Variants in CDH12 observed in about 807,000 individuals in gnomAD.
CDH12 encodes cadherin 12.
In CDH12, 41 loss-of-function variants were observed where a neutral mutation model predicts 74.1. The ratio of observed to expected loss-of-function variants is 0.55; its 90% CI spans 0.43 to 0.72. The LOEUF is 0.72. CDH12 is among the 30% of genes least tolerant of loss of function. The pLI is 0.00. For missense variants in CDH12, 945 were observed against 977.2 expected, an observed-to-expected ratio of 0.97 and a Z score of 0.44; for synonymous variants, 399 against 355.0, an observed-to-expected ratio of 1.12 and a Z score of -1.39.
chr5:22,131,753 T>C lies in CDH12; in HGVS notation c.-186-52891A>G, dbSNP rs142850981. Among the ~76,000 whole-genome samples, 839 of 152,260 alleles carry C rather than the reference T, an allele frequency of 5.5e-3. 6 individuals carry two copies. Among genetic ancestry groups the C allele is most frequent in the African/African-American group, 0.018 (753 of 41,560 alleles). On this transcript the variant is annotated intron_variant, in intron 4 of 14. Transcript: ENST00000382254. ...CAGATTATCCAGACCTAAGGAAGGA[T>C]ACATTCATCTATAGCTCCCTCTCAA...
intron 1 of CDH12, among the ~76,000 whole-genome samples, chr5:22,577,834 C>T (rs1007361067): frequency 6.6e-6 from 1 of 152,102 alleles, no homozygotes; most frequent in Admixed American, 6.6e-5. Context: ...TGCAAGAAGA[C>T]CTAAAATTTT....
rs556554063 is a variant in CDH12, at chr5:22,683,389, G to A, written c.-523+169669C>T. Among the ~76,000 whole-genome samples, 8 of 152,200 alleles carry A rather than the reference G, an allele frequency of 5.3e-5. No individual in the cohort carries two copies. In the East Asian group the frequency reaches 5.8e-4, roughly 11 times the overall value. ...TTTCAGTCAATACTGTTAAATAAGT[G>A]TAAACAGTAACTTCAGTAACACACA... is the stretch of plus-strand genomic sequence containing the variant. On this transcript the variant is annotated intron_variant, in intron 1 of 14. Transcript: ENST00000382254.
chr5:21,814,337 G>A (rs1281435763), intron 9 of CDH12, among the ~76,000 whole-genome samples: 3 of 151,768 alleles, frequency 2.0e-5, no homozygotes, highest in Non-Finnish European at 4.4e-5. Context: ...TAAATAACAT[G>A]ACTCATTCTC....
intron 5 of CDH12, among the ~76,000 whole-genome samples, chr5:21,985,592 T>C (rs139223027): frequency 0.018 from 2,765 of 152,246 alleles, 45 homozygotes; most frequent in African/African-American, 0.041. Context: ...ACACACAGGG[T>C]TTACTCATTT....
intron 8 of CDH12, among the ~76,000 whole-genome samples, chr5:21,829,835 T>A (rs920932996): frequency 4.6e-5 from 7 of 152,108 alleles, no homozygotes; most frequent in African/African-American, 1.7e-4. Flanking sequence ...AAGTTATGTG[T>A]TTTTTAATCT....
At chr5:22,654,071 C>A in intron 1 of CDH12, among the ~76,000 whole-genome samples, 1 of 141,944 alleles carries the variant, frequency 7.0e-6, no homozygotes, top group South Asian at 2.4e-4. Flanking sequence ...CTTCCCGTTC[C>A]TTCTCCCTTC....
chr5:22,102,047 A>C (rs914482937), intron 4 of CDH12, among the ~76,000 whole-genome samples: 17 of 152,188 alleles, frequency 1.1e-4, no homozygotes, highest in African/African-American at 4.1e-4. Flanking sequence ...CTAAAATCTG[A>C]AGATTCTTTT....
intron 1 of CDH12, among the ~76,000 whole-genome samples, chr5:22,531,766 A>C (rs1344163384): frequency 6.6e-6 from 1 of 152,154 alleles, no homozygotes; most frequent in Non-Finnish European, 1.5e-5. Flanking sequence ...GGTACCTTCC[A>C]ATGTAAGGAA....
At chr5:22,832,872 A>G (rs991750650) in intron 1 of CDH12, among the ~76,000 whole-genome samples, 2 of 152,292 alleles carry the variant, frequency 1.3e-5, no homozygotes, top group Admixed American at 1.3e-4. Context: ...TTACTAAATC[A>G]ATGATAATTA....
intron 1 of CDH12, among the ~76,000 whole-genome samples, chr5:22,582,293 C>G (rs1165724929): frequency 1.3e-5 from 2 of 152,080 alleles, no homozygotes; most frequent in African/African-American, 2.4e-5. Flanking sequence ...TTTGGCCTTT[C>G]TTTTCATCAC....
At chr5:22,338,153 A>G (rs1034530693) in intron 3 of CDH12, among the ~76,000 whole-genome samples, 1 of 152,216 alleles carries the variant, frequency 6.6e-6, no homozygotes, top group Non-Finnish European at 1.5e-5. Context: ...TATAGCTAAG[A>G]TTTGGAAGAA....
At chr5:22,258,857 G>C (rs1260465109) in intron 3 of CDH12, among the ~76,000 whole-genome samples, 2 of 152,166 alleles carry the variant, frequency 1.3e-5, no homozygotes, top group East Asian at 3.9e-4. Flanking sequence ...TTTGCGTTAA[G>C]TACACTCTGC....
intron 7 of CDH12, among the ~76,000 whole-genome samples, chr5:21,852,346 T>C (rs1459366532): frequency 6.6e-6 from 1 of 151,318 alleles, no homozygotes; most frequent in Non-Finnish European, 1.5e-5. Context: ...ATAATAAACA[T>C]TATATAAAAT....
intron 2 of CDH12, among the ~76,000 whole-genome samples, chr5:22,415,043 T>G (rs1235251984): frequency 3.9e-5 from 6 of 152,154 alleles, no homozygotes. Context: ...ACATCTCCAT[T>G]GCAAATATAA....
intron 1 of CDH12, among the ~76,000 whole-genome samples, chr5:22,635,278 G>A (rs1055242951): frequency 6.6e-6 from 1 of 152,064 alleles, no homozygotes; most frequent in Admixed American, 6.6e-5. Flanking sequence ...GTGCTGGGAC[G>A]AACAGATACA....
rs572511564 is a variant in CDH12 at position 22,823,619 on chromosome 5, A to G, written c.-523+29439T>C. Among the ~76,000 whole-genome samples the G allele has an allele frequency of 2.6e-5, 4 of 152,246 alleles. No individual in the cohort carries two copies. In the South Asian group the frequency reaches 8.3e-4, roughly 32 times the overall value. ...GATATGGTTAGGCTGTGTGTCGCCA[A>G]CCAAATCTCTTCTCAAATTGTAATC... On this transcript the variant is annotated intron_variant, in intron 1 of 14. Transcript: ENST00000382254.
At chr5:21,860,461 G>A (rs1362666836) in intron 6 of CDH12, among the ~76,000 whole-genome samples, 1 of 149,524 alleles carries the variant, frequency 6.7e-6, no homozygotes, top group Non-Finnish European at 1.5e-5. Flanking sequence ...TTAATATAGA[G>A]TGTCAACTTG....
chr5:21,936,376 A>G (rs1755074459), intron 6 of CDH12, among the ~76,000 whole-genome samples: 1 of 152,208 alleles, frequency 6.6e-6, no homozygotes, highest in Non-Finnish European at 1.5e-5. Context: ...CTTTCTAGAT[A>G]TAGTTATTCA....
At chr5:22,136,181 G>A (rs1746449754) in intron 4 of CDH12, among the ~76,000 whole-genome samples, 1 of 151,940 alleles carries the variant, frequency 6.6e-6, no homozygotes, top group African/African-American at 2.4e-5. Context: ...TAAGATGGTA[G>A]GTGTGGTGGA....
Sources: allele counts gnomAD v4.1 joint callset (sites outside exome capture counted in the v4.1 genomes callset), GRCh38; gene constraint gnomAD v4.1.1; transcripts MANE v1.5; gene names NCBI Gene and HGNC (gene_info 2026-07-23, HGNC 2026-07-21).